The following ASTN2 variants were observed in gnomAD, a reference collection of about 807,000 sequenced individuals.
ASTN2 encodes astrotactin-2.
Under a neutral mutation model 139.8 loss-of-function variants are expected in ASTN2, and 54 were observed. The ratio of observed to expected loss-of-function variants is 0.39; its 90% CI spans 0.31 to 0.48. The LOEUF (loss-of-function observed/expected upper bound fraction) is 0.48. Among genes scored for constraint, ASTN2 ranks in the 20% least tolerant of loss-of-function variants. ASTN2 has a pLI of 0.95. For missense variants in ASTN2, 1,565 were observed against 1,725.1 expected (o/e 0.91, Z 1.64); for synonymous variants, 756 against 719.5 (o/e 1.05, Z -0.81).
chr9:117,036,011 C>T (rs1025650989), intron 6 of ASTN2, among the ~76,000 whole-genome samples: 3 of 152,146 alleles, frequency 2.0e-5, no homozygotes, highest in Admixed American at 2.0e-4. Flanking sequence ...ATAACAGCTA[C>T]CATTTGTTGG....
chr9:117,275,373 T>C (rs1476677267), intron 2 of ASTN2, among the ~76,000 whole-genome samples: 1 of 152,134 alleles, frequency 6.6e-6, no homozygotes, highest in African/African-American at 2.4e-5. Context: ...TACTAAAAAC[T>C]GGATGGCCTC....
intron 10 of ASTN2, among the ~76,000 whole-genome samples, chr9:116,925,772 G>A (rs933331439): frequency 6.6e-6 from 1 of 151,912 alleles, no homozygotes; most frequent in African/African-American, 2.4e-5. Context: ...GAAAGATCAA[G>A]CTTCCTGATG....
intron 16 of ASTN2, among the ~76,000 whole-genome samples, chr9:116,716,074 C>A (rs1174063722): frequency 1.3e-5 from 2 of 152,186 alleles, no homozygotes; most frequent in Non-Finnish European, 2.9e-5. Flanking sequence ...ATTCTTAGTG[C>A]CAGACTGCTG....
intron 13 of ASTN2, among the ~76,000 whole-genome samples, chr9:116,791,870 C>CAAA (rs1194323454): frequency 1.3e-5 from 2 of 151,810 alleles, no homozygotes; most frequent in Non-Finnish European, 2.9e-5. Flanking sequence ...AAAACAAAAC[C>CAAA]AAAAAAGGGG....
intron 13 of ASTN2, among the ~76,000 whole-genome samples, chr9:116,751,675 C>T (rs1829407477): frequency 6.6e-6 from 1 of 152,044 alleles, no homozygotes; most frequent in Non-Finnish European, 1.5e-5. Flanking sequence ...TTGTAGGATA[C>T]AGATTTACAT....
intron 16 of ASTN2, among the ~76,000 whole-genome samples, chr9:116,695,126 G>C (rs1304934023): frequency 2.6e-5 from 4 of 152,130 alleles, no homozygotes; most frequent in Non-Finnish European, 5.9e-5. Flanking sequence ...GTAAAAAATA[G>C]CTTGAAATAA....
At chr9:116,948,207 C>T (rs530814362) in intron 10 of ASTN2, among the ~76,000 whole-genome samples, 1 of 152,262 alleles carries the variant, frequency 6.6e-6, no homozygotes, top group East Asian at 1.9e-4. Flanking sequence ...TGTAAAGTAA[C>T]TCTTTATTCC....
At chr9:117,290,157 C>A (rs1290267990) in intron 2 of ASTN2, among the ~76,000 whole-genome samples, 1 of 152,110 alleles carries the variant, frequency 6.6e-6, no homozygotes, top group Non-Finnish European at 1.5e-5. Context: ...CCATAGCCTC[C>A]TCATATGTAT....
chr9:117,246,478 A>C (rs1564502130), intron 2 of ASTN2, among the ~76,000 whole-genome samples: 1 of 152,164 alleles, frequency 6.6e-6, no homozygotes, highest in Non-Finnish European at 1.5e-5. Flanking sequence ...TGGAATGAAA[A>C]TCTCCACTGC....
chr9:116,833,790 T>A (rs541207628), intron 11 of ASTN2, among the ~76,000 whole-genome samples: 1 of 152,302 alleles, frequency 6.6e-6, no homozygotes, highest in African/African-American at 2.4e-5. Context: ...TATGTTGAAA[T>A]CCTAACCCAC....
intron 20 of ASTN2, among the ~76,000 whole-genome samples, chr9:116,481,127 C>T (rs1055054417): frequency 8.5e-5 from 13 of 152,142 alleles, no homozygotes; most frequent in African/African-American, 2.4e-4. Flanking sequence ...GTTGCACATG[C>T]CTGTAATCTC....
chr9:117,268,173 G>C (rs1833979134), intron 2 of ASTN2, among the ~76,000 whole-genome samples: 1 of 152,054 alleles, frequency 6.6e-6, no homozygotes. Context: ...TCCCTCTCTT[G>C]TCCATTAGCT....
intron 1 of ASTN2, among the ~76,000 whole-genome samples, chr9:117,295,632 T>G (rs1372971115): frequency 6.6e-6 from 1 of 152,070 alleles, no homozygotes; most frequent in Non-Finnish European, 1.5e-5. Context: ...TATATATATT[T>G]ATGTATTTAC....
At position 116,630,444 on chromosome 9, in the gene ASTN2, C is replaced by T. The variant is rs76120406; in HGVS notation, c.3073-10001G>A. Among the ~76,000 whole-genome samples the T allele has an allele frequency of 0.019, 2,914 of 152,258 alleles. 398 individuals carry two copies. The South Asian group carries it at 0.29, about 15-fold the overall frequency. Reference sequence around the variant, plus strand: ...TGTCACAAATCTAGGAATTAGGACTCAAACACAGGTCTCAACCTAAAGACT... The same window carrying T: ...TGTCACAAATCTAGGAATTAGGACTTAAACACAGGTCTCAACCTAAAGACT... On this transcript the variant is annotated intron_variant, in intron 17 of 22. Transcript: ENST00000313400.
At chr9:116,472,783 G>A (rs538506934) in intron 20 of ASTN2, among the ~76,000 whole-genome samples, 5 of 151,962 alleles carry the variant, frequency 3.3e-5, no homozygotes, top group East Asian at 3.9e-4. Context: ...TGGTGGTGGC[G>A]GCGGCGGAGG....
At chr9:116,820,912 G>T (rs76353207) in intron 11 of ASTN2, 129 bp from the exon 12 acceptor site, 13,028 of 988,656 alleles carry the variant, frequency 0.013, 134 homozygotes, top group East Asian at 0.028. Flanking sequence ...CCTTTTGTCA[G>T]TTAATAACTT....
chr9:116,783,887 T>C (rs1184108647), intron 13 of ASTN2, among the ~76,000 whole-genome samples: 10 of 152,192 alleles, frequency 6.6e-5, no homozygotes, highest in African/African-American at 2.4e-4. Flanking sequence ...ACAGCTACCA[T>C]TTGTTGAGAA....
intron 4 of ASTN2, among the ~76,000 whole-genome samples, chr9:117,118,077 C>G (rs182926474): frequency 6.6e-6 from 1 of 152,238 alleles, no homozygotes; most frequent in Non-Finnish European, 1.5e-5. Flanking sequence ...AAGGAAAGCT[C>G]AGTAGCCGAG....
At chr9:116,632,235 A>AAG (rs1473728365) in intron 17 of ASTN2, among the ~76,000 whole-genome samples, 10 of 143,018 alleles carry the variant, frequency 7.0e-5, no homozygotes, top group Non-Finnish European at 1.5e-4. Context: ...GAAAGAAAGA[A>AAG]AGAAAGAAAG....
Sources: gnomAD v4.1 joint callset for allele counts (sites outside exome capture counted in the v4.1 genomes callset) on GRCh38, gnomAD v4.1.1 for gene constraint, MANE v1.5 for transcripts, NCBI Gene and HGNC (gene_info 2026-07-23, HGNC 2026-07-21) for gene names.